The following TMEM108 variants were observed in gnomAD, a reference collection of about 807,000 sequenced individuals.
TMEM108 encodes cancer/testis antigen 124.
A neutral mutation model predicts 35.1 loss-of-function variants in TMEM108; 12 were observed. The observed-to-expected ratio is 0.34, with a 90% CI of 0.22 to 0.55. The LOEUF is 0.55. Ranked by LOEUF, TMEM108 falls within the 20% of genes least tolerant of loss-of-function variation. The pLI is 0.89. For missense variants in TMEM108, 680 were observed against 753.3 expected (o/e 0.90, Z 1.14); for synonymous variants, 287 against 308.6 (o/e 0.93, Z 0.73).
intron 5 of TMEM108, among the ~76,000 whole-genome samples, chr3:133,392,137 CTT>C (rs2073243260): frequency 6.6e-6 from 1 of 150,814 alleles, no homozygotes; most frequent in Non-Finnish European, 1.5e-5. Context: ...CACCACTTCT[CTT>C]CTTTTTTTTT....
intron 3 of TMEM108, among the ~76,000 whole-genome samples, chr3:133,312,975 T>C (rs2071153007): frequency 6.6e-6 from 1 of 152,158 alleles, no homozygotes; most frequent in Non-Finnish European, 1.5e-5. Context: ...GTTACAATGC[T>C]TTCATCTAAT....
chr3:133,058,922 G>A (rs1038473042), intron 2 of TMEM108, among the ~76,000 whole-genome samples: 2 of 152,144 alleles, frequency 1.3e-5, no homozygotes, highest in South Asian at 2.1e-4. Flanking sequence ...TTGTGTTAGG[G>A]CTCTTACAAC....
At chr3:133,155,517 G>T (rs1944867836) in intron 2 of TMEM108, among the ~76,000 whole-genome samples, 2 of 152,094 alleles carry the variant, frequency 1.3e-5, no homozygotes, top group African/African-American at 4.8e-5. Flanking sequence ...ACCAGCATCT[G>T]TTATTGTTTG....
chr3:133,381,731 TCTC>T (rs2073018664), intron 4 of TMEM108, among the ~76,000 whole-genome samples: 1 of 152,112 alleles, frequency 6.6e-6, no homozygotes, highest in Non-Finnish European at 1.5e-5. Flanking sequence ...TCCTTCTGTC[TCTC>T]TTCTCCTAAG....
intron 2 of TMEM108, among the ~76,000 whole-genome samples, chr3:133,118,813 G>A (rs959685685): frequency 6.6e-6 from 1 of 152,108 alleles, no homozygotes; most frequent in African/African-American, 2.4e-5. Flanking sequence ...TTTACCGTAG[G>A]GGGTGTGTAA....
At chr3:133,198,122 T>A (rs553885434) in intron 2 of TMEM108, among the ~76,000 whole-genome samples, 1 of 152,288 alleles carries the variant, frequency 6.6e-6, no homozygotes, top group Admixed American at 6.5e-5. Context: ...TCCTGAGTAT[T>A]GATAAATGGT....
At chr3:133,042,017 A>G (rs920078390) in intron 1 of TMEM108, among the ~76,000 whole-genome samples, 11 of 152,230 alleles carry the variant, frequency 7.2e-5, no homozygotes, top group Admixed American at 5.2e-4. Context: ...AGATCTTCTT[A>G]GTTAATGTGG....
chr3:133,181,008 T>TAA lies in TMEM108; in HGVS notation c.-46-48229_-46-48228dup, dbSNP rs369228472. On this transcript the variant is annotated intron_variant, in intron 2 of 5. Coordinates refer to ENST00000321871, the MANE Select transcript of TMEM108 (RefSeq NM_023943.4). Reference sequence around the variant, plus strand: ...TGTACTGGCTATTGGGCAGTTGTGTTAAAAAAAAAAAAAAAAAAAAAAAAA... The same window carrying TAA: ...TGTACTGGCTATTGGGCAGTTGTGTTAAAAAAAAAAAAAAAAAAAAAAAAAAA... Among the ~76,000 whole-genome samples the TAA allele has an allele frequency of 4.2e-3, 319 of 75,836 alleles. 10 individuals are homozygous for TAA. Among genetic ancestry groups the TAA allele is most frequent in the African/African-American group, 0.012 (239 of 19,518 alleles). 49.8% of individuals were successfully genotyped at this position (75,836 alleles called of 152,430 possible).
intron 2 of TMEM108, among the ~76,000 whole-genome samples, chr3:133,227,189 CTTTTTTT>C (rs35518753): frequency 1.2e-5 from 1 of 83,494 alleles, no homozygotes; most frequent in African/African-American, 4.9e-5. Context: ...GAAGGCCTTT[CTTTTTTT>C]TTTTTTTTTT....
intron 3 of TMEM108, among the ~76,000 whole-genome samples, chr3:133,296,463 C>T (rs918351239): frequency 5.3e-5 from 8 of 151,750 alleles, no homozygotes; most frequent in Non-Finnish European, 8.8e-5. Context: ...TTCCCAGACC[C>T]GAAATATCAA....
intron 2 of TMEM108, among the ~76,000 whole-genome samples, chr3:133,197,428 G>A (rs1433442214): frequency 6.6e-6 from 1 of 152,116 alleles, no homozygotes; most frequent in Non-Finnish European, 1.5e-5. Flanking sequence ...TACAGAGGTT[G>A]CATTTGGTAG....
intron 3 of TMEM108, among the ~76,000 whole-genome samples, chr3:133,252,971 T>A (rs1057243482): frequency 1.3e-5 from 2 of 152,166 alleles, no homozygotes; most frequent in Non-Finnish European, 2.9e-5. Context: ...CTGGAACCAA[T>A]CCCTTCTAGG....
In TMEM108 at chr3:133,224,075, T is replaced by C. The variant is rs138169306; in HGVS notation, c.-46-5191T>C. Among the ~76,000 whole-genome samples, 22 of 152,352 alleles carry C rather than the reference T, an allele frequency of 1.4e-4. No individual in the cohort carries two copies. In the East Asian group the frequency reaches 3.9e-3, roughly 27 times the overall value. On this transcript the variant is annotated intron_variant, in intron 2 of 5. Coordinates refer to ENST00000321871, the MANE Select transcript of TMEM108 (RefSeq NM_023943.4). The stretch of plus-strand genomic sequence containing the variant: ...ATCTTTAAGAATTTCCAGAGACTAC[T>C]GAAGGGCTTATAATCCCCTTGATCA...
chr3:133,302,422 T>C (rs1357322633), intron 3 of TMEM108, among the ~76,000 whole-genome samples: 12 of 144,644 alleles, frequency 8.3e-5, no homozygotes, highest in South Asian at 2.3e-4. Flanking sequence ...TTTCTTTTTT[T>C]TTTTTTTTTT....
chr3:133,301,006 AC>A (rs1367402225), intron 3 of TMEM108, among the ~76,000 whole-genome samples: 4 of 65,966 alleles, frequency 6.1e-5, no homozygotes, highest in Non-Finnish European at 1.6e-4. Flanking sequence ...ACACACACAC[AC>A]ACACACACAC....
chr3:133,156,501 G>C (rs1360273949), intron 2 of TMEM108, among the ~76,000 whole-genome samples: 2 of 152,176 alleles, frequency 1.3e-5, no homozygotes, highest in East Asian at 3.8e-4. Flanking sequence ...AATTCCAAAA[G>C]CTGTTTGACT....
intron 1 of TMEM108, among the ~76,000 whole-genome samples, chr3:133,044,936 C>G (rs965614618): frequency 2.0e-5 from 3 of 150,704 alleles, no homozygotes; most frequent in African/African-American, 7.3e-5. Context: ...GAGACCCTGT[C>G]TCTTAAAAAA....
intron 2 of TMEM108, among the ~76,000 whole-genome samples, chr3:133,137,180 G>A (rs1176185393): frequency 1.3e-5 from 2 of 152,108 alleles, no homozygotes; most frequent in African/African-American, 2.4e-5. Flanking sequence ...ACAATGCTAG[G>A]CATTGTACCT....
At chr3:133,200,899 C>T (rs1371181807) in intron 2 of TMEM108, among the ~76,000 whole-genome samples, 1 of 152,132 alleles carries the variant, frequency 6.6e-6, no homozygotes, top group Non-Finnish European at 1.5e-5. Flanking sequence ...TGCTTAGTAA[C>T]CACATGTAGC....
Sources: gnomAD v4.1 joint callset for allele counts (sites outside exome capture counted in the v4.1 genomes callset) on GRCh38, gnomAD v4.1.1 for gene constraint, MANE v1.5 for transcripts, NCBI Gene and HGNC (gene_info 2026-07-23, HGNC 2026-07-21) for gene names.